GRM5: variants seen among roughly 807,000 people sequenced by gnomAD.
The protein encoded by GRM5 is glutamate metabotropic receptor 5.
GRM5 carries 19 observed loss-of-function variants against 83.1 expected under a neutral mutation model. That is an observed-to-expected ratio of 0.23 (90% CI 0.16 to 0.34). GRM5 has a LOEUF of 0.34. Among genes scored for constraint, GRM5 ranks in the 10% least tolerant of loss-of-function variants. The pLI is 1.00. For synonymous variants in GRM5, 675 were observed against 633.6 expected (o/e 1.07, Z -0.98); for missense variants, 1,160 against 1,588.3 (o/e 0.73, Z 4.58).
intron 2 of GRM5, among the ~76,000 whole-genome samples, chr11:89,004,260 AG>A (rs1940465255): frequency 6.6e-6 from 1 of 152,206 alleles, no homozygotes; most frequent in South Asian, 2.1e-4. Flanking sequence ...GAGATGTCTA[AG>A]GTAGGTTTTT....
intron 2 of GRM5, among the ~76,000 whole-genome samples, chr11:88,995,633 C>T (rs1415073563): frequency 2.1e-5 from 3 of 145,978 alleles, no homozygotes; most frequent in Non-Finnish European, 4.5e-5. Context: ...AGAATATATT[C>T]TTGGGCAAGG....
Position 88,567,143 on chromosome 11 carries a change from A to G in GRM5, c.2540T>C (p.Val847Ala). The G allele has an allele frequency of 6.2e-7, 1 of 1,614,108 alleles. No individual in the cohort carries two copies. Among genetic ancestry groups the G allele is most frequent in the Non-Finnish European group, 8.5e-7 (1 of 1,179,960 alleles). ...FTTSTVVRMH[V>A]GDGKSSSAAS... ...TGCGGAGGATGACTTGCCATCCCCT[A>G]CATGCATGCGCACCACGGTAGATGT... The change falls in exon 8 of 10, where the codon GTA becomes GCA. Residue 847 changes from valine to alanine, a missense_variant. Coordinates refer to ENST00000305447, the MANE Select transcript of GRM5 (RefSeq NM_001143831.3). This position sits in a 1 kb window ranked among gnomAD's most constrained non-coding sequence, Gnocchi z 7.3.
At chr11:88,594,492 A>T (rs1937746786) in intron 6 of GRM5, among the ~76,000 whole-genome samples, 1 of 152,232 alleles carries the variant, frequency 6.6e-6, no homozygotes, top group Non-Finnish European at 1.5e-5. Flanking sequence ...GCTGTATTTT[A>T]ATAAAACTTT....
At chr11:89,001,037 C>CATAA (rs568502962) in intron 2 of GRM5, among the ~76,000 whole-genome samples, 201 of 151,672 alleles carry the variant, frequency 1.3e-3, no homozygotes, top group African/African-American at 4.4e-3. Context: ...AAAATGAGAA[C>CATAA]ATAAATAAAT....
intron 8 of GRM5, among the ~76,000 whole-genome samples, chr11:88,527,388 G>T (rs1364418958): frequency 6.6e-6 from 1 of 151,988 alleles, no homozygotes; most frequent in African/African-American, 2.4e-5. Flanking sequence ...CACACACTCT[G>T]CCAGGTGACC....
intron 2 of GRM5, among the ~76,000 whole-genome samples, chr11:88,959,074 G>A (rs1198221968): frequency 6.6e-6 from 1 of 152,198 alleles, no homozygotes; most frequent in African/African-American, 2.4e-5. Flanking sequence ...GAGAAATAGA[G>A]ATATATGGCA....
intron 3 of GRM5, among the ~76,000 whole-genome samples, chr11:88,698,226 G>A (rs1940946117): frequency 6.6e-6 from 1 of 152,044 alleles, no homozygotes; most frequent in South Asian, 2.1e-4. Context: ...GACCCTATAT[G>A]GTCGGGCCCT....
intron 2 of GRM5, among the ~76,000 whole-genome samples, chr11:88,954,909 G>A (rs1472326065): frequency 6.6e-6 from 1 of 152,130 alleles, no homozygotes; most frequent in Admixed American, 6.5e-5. Context: ...CAAGGGCTAA[G>A]GATTAAAATT....
At chr11:88,654,446 GTGGTAC>G (rs1939716600) in intron 3 of GRM5, among the ~76,000 whole-genome samples, 1 of 152,082 alleles carries the variant, frequency 6.6e-6, no homozygotes, top group Non-Finnish European at 1.5e-5. Context: ...CTGGAACCCA[GTGGTAC>G]TGTCTTTCCC....
intron 2 of GRM5, among the ~76,000 whole-genome samples, chr11:88,989,176 C>A (rs936851499): frequency 6.8e-6 from 1 of 146,812 alleles, no homozygotes; most frequent in Non-Finnish European, 1.5e-5. Context: ...ATCTACCAAG[C>A]AAATGGAAAA....
intron 2 of GRM5, among the ~76,000 whole-genome samples, chr11:89,009,616 G>C (rs1252594524): frequency 6.6e-6 from 1 of 151,894 alleles, no homozygotes; most frequent in Admixed American, 6.6e-5. Flanking sequence ...ACAAAATCAG[G>C]CCGGGCGCGG....
chr11:88,801,247 C>G (rs1307617534), intron 3 of GRM5, among the ~76,000 whole-genome samples: 1 of 152,242 alleles, frequency 6.6e-6, no homozygotes, highest in East Asian at 1.9e-4. Flanking sequence ...TACTGAGAAG[C>G]TGGCCAAAGG....
At chr11:88,806,154 T>C (rs753401712) in intron 3 of GRM5, among the ~76,000 whole-genome samples, 5 of 152,182 alleles carry the variant, frequency 3.3e-5, no homozygotes, top group Non-Finnish European at 7.4e-5. Context: ...CTAGAAGTGC[T>C]CACCAAAATC....
At chr11:88,864,183 G>A (rs1004843040) in intron 2 of GRM5, among the ~76,000 whole-genome samples, 1 of 149,716 alleles carries the variant, frequency 6.7e-6, no homozygotes, top group African/African-American at 2.5e-5. Context: ...GCCTACAGTT[G>A]AGGCTATATG....
intron 2 of GRM5, among the ~76,000 whole-genome samples, chr11:89,030,145 T>C (rs535169475): frequency 1.8e-4 from 28 of 152,270 alleles, no homozygotes; most frequent in African/African-American, 6.5e-4. Context: ...TTATGAAACG[T>C]ATTTTTTTGA....
rs1937840761 is a variant in GRM5, at chr11:88,597,357, G to A, written c.1395-5C>T. 2 of 1,390,436 alleles carry A rather than the reference G, an allele frequency of 1.4e-6. No homozygotes were observed. Among genetic ancestry groups the A allele is most frequent in the Non-Finnish European group, 2.0e-6 (2 of 992,052 alleles). 86.1% of individuals were successfully genotyped at this position (1,390,436 alleles called of 1,614,324 possible). A position where few individuals can be genotyped will look rare whatever the true frequency, so the allele number is the denominator to read the frequency against. On this transcript the variant is annotated splice_polypyrimidine_tract_variant and splice_region_variant and intron_variant, in intron 5 of 9. Coordinates refer to ENST00000305447, the MANE Select transcript of GRM5 (RefSeq NM_001143831.3). ...TTGAAATTCATTATTTCATACCTTA[G>A]GAATAAGAATATGATAATTATGCAG... is the stretch of plus-strand genomic sequence containing the variant.
intron 3 of GRM5, among the ~76,000 whole-genome samples, chr11:88,740,738 A>G (rs1942010848): frequency 6.6e-6 from 1 of 152,084 alleles, no homozygotes; most frequent in African/African-American, 2.4e-5. Context: ...TCATTAGCAC[A>G]TCTTCAACCA....
At chr11:88,799,903 G>T (rs528277765) in intron 3 of GRM5, among the ~76,000 whole-genome samples, 1 of 152,224 alleles carries the variant, frequency 6.6e-6, no homozygotes, top group African/African-American at 2.4e-5. Flanking sequence ...AACAGTCTGG[G>T]CTTTGATCCC....
At chr11:88,994,394 GT>G (rs1427397498) in intron 2 of GRM5, among the ~76,000 whole-genome samples, 1 of 149,274 alleles carries the variant, frequency 6.7e-6, no homozygotes, top group Non-Finnish European at 1.5e-5. Flanking sequence ...TAAGTACCTG[GT>G]AGGGTGCCTG....
Sources: gnomAD v4.1 joint callset for allele counts (sites outside exome capture counted in the v4.1 genomes callset) on GRCh38, gnomAD v4.1.1 for gene constraint, Gnocchi (gnomAD v3.1) non-coding constraint, MANE v1.5 for transcripts, NCBI Gene and HGNC (gene_info 2026-07-23, HGNC 2026-07-21) for gene names.